The following HPN variants were observed in gnomAD, a reference collection of about 807,000 sequenced individuals.
HPN encodes the protein hepsin.
A neutral mutation model predicts 55.9 loss-of-function variants in HPN; 13 were observed. The ratio of observed to expected loss-of-function variants is 0.23; its 90% CI spans 0.15 to 0.37. The LOEUF (loss-of-function observed/expected upper bound fraction) is 0.37, where lower values mean the gene tolerates loss of function less well. Ranked by LOEUF, HPN falls within the 10% of genes least tolerant of loss-of-function variation. The pLI is 1.00. For synonymous variants in HPN, 225 were observed against 240.3 expected, an observed-to-expected ratio of 0.94 and a Z score of 0.59; for missense variants, 451 against 575.8, an observed-to-expected ratio of 0.78 and a Z score of 2.22.
At chr19:35,049,688 C>T (rs2064383323) in intron 4 of HPN, among the ~76,000 whole-genome samples, 172 bp downstream of exon 4, 2 of 152,150 alleles carry the variant, frequency 1.3e-5, no homozygotes, top group African/African-American at 2.4e-5. Flanking sequence ...TTCTAAGCAC[C>T]CCACATGTCT....
intron 1 of HPN, 26 bp downstream of exon 1, chr19:35,041,898 C>T (rs1235718232): frequency 7.5e-7 from 1 of 1,326,100 alleles, no homozygotes; most frequent in Middle Eastern, 2.1e-4. Context: ...CCCAGACTCA[C>T]AGTTCCAGCC....
intron 4 of HPN, among the ~76,000 whole-genome samples, chr19:35,058,226 C>T (rs2064478172): frequency 6.6e-6 from 1 of 150,836 alleles, no homozygotes; most frequent in African/African-American, 2.4e-5. Context: ...GTCGCCCAAA[C>T]TGGAGTGCAG....
rs764491371 is a variant in HPN at position 35,059,748 on chromosome 19, C to T, written c.236C>T (p.Ser79Leu). ...GGGACGTGGCGGCTGCTGTGCTCCT[C>T]GCGCTCCAACGCCAGGGTAGCCGGA... ...TEGTWRLLCS[S>L]RSNARVAGLS... Residue 79 changes from serine (S) to leucine (L), a missense_variant, in exon 5 of 13, where the codon TCG (serine) becomes TTG (leucine). Physicochemically the swap from Ser to Leu is moderately radical, Grantham distance 145. Around this residue, in one of 2 missense-constraint regions of HPN, gnomAD observed 378 missense variants for 445.5 expected, o/e 0.85. Transcript: ENST00000672452. The T allele has an allele frequency of 6.3e-6, 10 of 1,590,444 alleles. No homozygotes were observed. Among genetic ancestry groups the T allele is most frequent in the African/African-American group, 1.3e-5 (1 of 74,648 alleles).
At position 35,042,239 on chromosome 19, in the gene HPN, G is replaced by A. The variant is rs566771882; in HGVS notation, c.-54-214G>A. ...TGCTCCACCAGGCTCAGGCATGGGG[G>A]TCCCCATCCCTGCAAATCCAGGCGT... On this transcript the variant is annotated intron_variant, in intron 1 of 12. Coordinates refer to ENST00000672452, the MANE Select transcript of HPN (RefSeq NM_001384133.1). The A allele has an allele frequency of 7.5e-5, 99 of 1,325,284 alleles. No homozygotes were observed. The African/African-American group carries it at 1.4e-3, about 19-fold the overall frequency. The allele number at this position is 1,325,284 out of a possible 1,614,324, so 82.1% of individuals were successfully genotyped here.
chr19:35,065,480 G>A lies in HPN; in HGVS notation c.908-59G>A, dbSNP rs1247185868. On this transcript the variant is annotated intron_variant, in intron 10 of 12. Coordinates refer to ENST00000672452, the MANE Select transcript of HPN (RefSeq NM_001384133.1). ...CTGAGGGGAATGGGGTGGGCACCAG[G>A]AGGGAAGGGGGGTGTGTACACCCCC... is the stretch of plus-strand genomic sequence containing the variant. The A allele has an allele frequency of 1.9e-6, 3 of 1,595,498 alleles. No individual in the cohort carries two copies. The East Asian group carries it at 6.7e-5, about 36-fold the overall frequency.
At position 35,060,622 on chromosome 19, in the gene HPN, G is replaced by C; in HGVS notation, c.621-5G>C. ...GTGGCCACCCTCCACCCCTTTCCCT[G>C]GTAGGCGGAACCGGGTCCTGTCCCG... is the stretch of plus-strand genomic sequence containing the variant. On this transcript the variant is annotated splice_polypyrimidine_tract_variant and splice_region_variant and intron_variant, in intron 8 of 12. Transcript: ENST00000672452. The C allele has an allele frequency of 6.2e-7, 1 of 1,613,642 alleles. No homozygotes were observed. The highest frequency in any genetic ancestry group is 1.7e-5 in the Admixed American group (1 of 60,030).
chr19:35,042,250 T>C, intron 1 of HPN: 1 of 1,335,800 alleles, frequency 7.5e-7, no homozygotes, highest in Non-Finnish European at 9.6e-7. Flanking sequence ...TCCCCATCCC[T>C]GCAAATCCAG....
chr19:35,045,458 G>A (rs557794288), intron 2 of HPN, among the ~76,000 whole-genome samples: 2 of 152,270 alleles, frequency 1.3e-5, no homozygotes, highest in East Asian at 3.9e-4. Context: ...AGAGCCAAAG[G>A]TGTTACGCGT....
intron 10 of HPN, 27 bp downstream of exon 10, chr19:35,065,372 C>A: frequency 6.3e-7 from 1 of 1,594,514 alleles, no homozygotes; most frequent in Non-Finnish European, 8.6e-7. Context: ...GCCTCTGATG[C>A]CACCGTTTGG....
chr19:35,045,614 C>G (rs992461713), intron 2 of HPN, among the ~76,000 whole-genome samples: 1 of 152,074 alleles, frequency 6.6e-6, no homozygotes, highest in African/African-American at 2.4e-5. Context: ...GGGAAATAGC[C>G]CTGCTGCTGG....
chr19:35,045,511 T>C (rs774543069), intron 2 of HPN, among the ~76,000 whole-genome samples: 12 of 151,824 alleles, frequency 7.9e-5, no homozygotes, highest in Non-Finnish European at 1.8e-4. Flanking sequence ...AGAACTGACC[T>C]ATGAGAAGAC....
chr19:35,045,103 G>C (rs572250305), intron 2 of HPN, among the ~76,000 whole-genome samples: 1 of 152,210 alleles, frequency 6.6e-6, no homozygotes, highest in East Asian at 1.9e-4. Flanking sequence ...AGGTCCCAGG[G>C]AAAGGTATTT....
chr19:35,065,849 C>G lies in HPN; in HGVS notation c.1051-19C>G, dbSNP rs1435806235. 1.2e-6 allele frequency: 2 copies of G among 1,613,278 alleles called. No homozygotes were observed. The highest frequency in any genetic ancestry group is 1.7e-6 in the Non-Finnish European group (2 of 1,179,738). On this transcript the variant is annotated intron_variant, in intron 11 of 12. Transcript: ENST00000672452. ...CCAACCACTTTGGCCTTCAGCCAGA[C>G]CTCCCTCTCCCCTCCCAGGGCGACA... is the stretch of plus-strand genomic sequence containing the variant.
chr19:35,057,491 A>C (rs1352199977), intron 4 of HPN, among the ~76,000 whole-genome samples: 1 of 152,080 alleles, frequency 6.6e-6, no homozygotes, highest in African/African-American at 2.4e-5. Flanking sequence ...ATGTATTTAT[A>C]CTATATTATT....
chr19:35,060,035 C>T (rs376424955), intron 6 of HPN, 39 bp downstream of exon 6: 10 of 1,611,438 alleles, frequency 6.2e-6, no homozygotes, highest in South Asian at 1.1e-5. Context: ...ACACCTCAGA[C>T]CCCCAAGGCA....
At position 35,059,757 on chromosome 19, in the gene HPN, A is replaced by G. The variant is rs2064504097; in HGVS notation, c.245A>G (p.Asn82Ser). ...TWRLLCSSRS[N>S]ARVAGLSCEE... ...CGGCTGCTGTGCTCCTCGCGCTCCAACGCCAGGGTAGCCGGACTCAGCTGC... is the reference window on the plus strand; with the variant it reads ...CGGCTGCTGTGCTCCTCGCGCTCCAGCGCCAGGGTAGCCGGACTCAGCTGC... Residue 82 changes from asparagine (N) to serine (S), a missense_variant, in exon 5 of 13, where the codon AAC (asparagine) becomes AGC (serine). Physicochemically the swap from Asn to Ser is conservative, Grantham distance 46. This residue lies in a region of HPN where 378 missense variants were observed against 445.5 expected (regional missense o/e 0.85). Coordinates refer to ENST00000672452, the MANE Select transcript of HPN (RefSeq NM_001384133.1). 5 of 1,591,380 alleles carry G rather than the reference A, an allele frequency of 3.1e-6. No homozygotes were observed. Among genetic ancestry groups the G allele is most frequent in the Non-Finnish European group, 4.3e-6 (5 of 1,169,782 alleles).
chr19:35,064,807 C>T lies in HPN; in HGVS notation c.812-443C>T, dbSNP rs909174422. Among the ~76,000 whole-genome samples, 11 of 120,872 alleles carry T rather than the reference C, an allele frequency of 9.1e-5. 1 individual carries two copies. The South Asian group carries it at 1.3e-3, about 15-fold the overall frequency. 79.3% of individuals were successfully genotyped at this position (120,872 alleles called of 152,430 possible). On this transcript the variant is annotated intron_variant, in intron 9 of 12. Transcript: ENST00000672452. ...TGAGCTCTTGGTACGTGGCGACTTC[C>T]GTTGTGGCTTTTTTGTTTGTTTGTT... is the stretch of plus-strand genomic sequence containing the variant.
chr19:35,056,549 G>A (rs536486955), intron 4 of HPN, among the ~76,000 whole-genome samples: 9 of 152,098 alleles, frequency 5.9e-5, no homozygotes, highest in Non-Finnish European at 1.3e-4. Flanking sequence ...ACCACAAATT[G>A]CCCCCCAACC....
chr19:35,050,090 A>T (rs17775536), intron 4 of HPN, among the ~76,000 whole-genome samples: 19,908 of 151,894 alleles, frequency 0.13, 1,289 homozygotes, highest in East Asian at 0.17. Context: ...AATTCAGTGG[A>T]CCCTTCTAAC....
Sources: gnomAD v4.1 joint callset for allele counts (sites outside exome capture counted in the v4.1 genomes callset) on GRCh38, gnomAD v4.1.1 for gene constraint, gnomAD v4.1.1 regional missense constraint, MANE v1.5 for transcripts, NCBI Gene and HGNC (gene_info 2026-07-23, HGNC 2026-07-21) for gene names.